Variants in NALF1 observed in about 807,000 individuals in gnomAD.
NALF1 encodes the protein NALCN channel auxiliary factor 1, also known as family with sequence similarity 155 member A.
NALF1 carries 3 observed loss-of-function variants against 48.4 expected under a neutral mutation model. The observed-to-expected ratio is 0.06, with a 90% CI of 0.03 to 0.16. The LOEUF (loss-of-function observed/expected upper bound fraction) is 0.16. Ranked by LOEUF, NALF1 falls within the 10% of genes least tolerant of loss-of-function variation. The pLI, the probability that NALF1 is intolerant of heterozygous loss-of-function variation, is 1.00. For synonymous variants in NALF1, 262 were observed against 245.7 expected, an observed-to-expected ratio of 1.07 and a Z score of -0.62; for missense variants, 526 against 571.5, an observed-to-expected ratio of 0.92 and a Z score of 0.81.
intron 1 of NALF1, among the ~76,000 whole-genome samples, chr13:107,555,439 AT>A (rs34486058): frequency 0.021 from 1,481 of 69,914 alleles, 13 homozygotes; most frequent in African/African-American, 0.044. Context: ...AGCCTGGCTA[AT>A]TTTTTTTTTT....
chr13:107,355,627 G>A lies in NALF1; in HGVS notation c.916-144872C>T, dbSNP rs150490893. ...TGAGATCTGGTTGTTTAAAAGGCGT[G>A]TAGCACTTCCCCCTTCTCTTTCTCT... On this transcript the variant is annotated intron_variant, in intron 1 of 2. Coordinates refer to ENST00000375915, the MANE Select transcript of NALF1 (RefSeq NM_001080396.3). Among the ~76,000 whole-genome samples the A allele has an allele frequency of 5.5e-4, 84 of 152,144 alleles. 1 individual carries two copies. The highest frequency in any genetic ancestry group is 2.0e-3 in the African/African-American group (81 of 41,518).
At position 107,759,852 on chromosome 13, in the gene NALF1, C is replaced by A. The variant is rs9587435; in HGVS notation, c.915+105830G>T. Among the ~76,000 whole-genome samples, 5,685 of 152,008 alleles carry A rather than the reference C, an allele frequency of 0.037. 527 individuals carry two copies. In the East Asian group the frequency reaches 0.42, roughly 11 times the overall value. On this transcript the variant is annotated intron_variant, in intron 1 of 2. Transcript: ENST00000375915. ...TTATTCTTACCAAATGTTGTCCCCCCCATCCTCCAGCTGTGTCATGCTGGG... is the reference window on the plus strand; with the variant it reads ...TTATTCTTACCAAATGTTGTCCCCCACATCCTCCAGCTGTGTCATGCTGGG...
chr13:107,588,378 A>C (rs941300789), intron 1 of NALF1, among the ~76,000 whole-genome samples: 1 of 152,126 alleles, frequency 6.6e-6, no homozygotes, highest in African/African-American at 2.4e-5. Flanking sequence ...TGAGACTGTG[A>C]CAACTTGGAT....
chr13:107,724,117 A>G (rs1191026813), intron 1 of NALF1, among the ~76,000 whole-genome samples: 1 of 152,180 alleles, frequency 6.6e-6, no homozygotes, highest in African/African-American at 2.4e-5. Flanking sequence ...GAAAATAGGA[A>G]GCTTGTTCCA....
intron 1 of NALF1, among the ~76,000 whole-genome samples, chr13:107,763,692 T>C (rs1448123298): frequency 1.3e-5 from 2 of 152,146 alleles, no homozygotes; most frequent in African/African-American, 2.4e-5. Context: ...TATGTACCCA[T>C]GGTTACAGGG....
At chr13:107,257,338 T>C (rs1244202024) in intron 1 of NALF1, among the ~76,000 whole-genome samples, 3 of 152,168 alleles carry the variant, frequency 2.0e-5, no homozygotes, top group Non-Finnish European at 4.4e-5. Context: ...ACTACTGTGA[T>C]CTCTCCTCCC....
intron 1 of NALF1, among the ~76,000 whole-genome samples, chr13:107,741,160 A>C (rs1386339296): frequency 6.6e-6 from 1 of 152,210 alleles, no homozygotes; most frequent in Non-Finnish European, 1.5e-5. Flanking sequence ...CATCCACAGC[A>C]CATTTGACAT....
At chr13:107,456,128 G>C (rs1311260252) in intron 1 of NALF1, among the ~76,000 whole-genome samples, 1 of 152,122 alleles carries the variant, frequency 6.6e-6, no homozygotes, top group Non-Finnish European at 1.5e-5. Context: ...AGGGATAGAG[G>C]AGTTTTTTTC....
intron 1 of NALF1, among the ~76,000 whole-genome samples, chr13:107,749,164 G>C (rs1012418918): frequency 1.4e-3 from 194 of 139,920 alleles, no homozygotes; most frequent in African/African-American, 4.7e-3. Context: ...GTGTGTGTGT[G>C]TCTACGTGTC....
intron 1 of NALF1, among the ~76,000 whole-genome samples, chr13:107,497,607 T>C (rs1875382254): frequency 6.6e-6 from 1 of 152,198 alleles, no homozygotes; most frequent in African/African-American, 2.4e-5. Context: ...TGCTATTCTA[T>C]CAATAAAGGC....
chr13:107,228,396 A>G (rs983940837), intron 1 of NALF1, among the ~76,000 whole-genome samples: 6 of 152,176 alleles, frequency 3.9e-5, no homozygotes, highest in African/African-American at 1.4e-4. Flanking sequence ...TTGGAAAAAC[A>G]AGCAAGAAAA....
chr13:107,815,420 C>T (rs1287951758), intron 1 of NALF1, among the ~76,000 whole-genome samples: 3 of 152,090 alleles, frequency 2.0e-5, no homozygotes, highest in African/African-American at 7.2e-5. Flanking sequence ...AATTCAACAT[C>T]ACCAGCAATC....
chr13:107,791,812 T>C (rs895841049), intron 1 of NALF1, among the ~76,000 whole-genome samples: 8 of 151,152 alleles, frequency 5.3e-5, no homozygotes, highest in African/African-American at 1.9e-4. Flanking sequence ...ATACAAAAAT[T>C]AGCCAAGAGT....
In NALF1 at chr13:107,533,767, T is replaced by C. The variant is rs1190353392; in HGVS notation, c.916-323012A>G. Among the ~76,000 whole-genome samples, 3 of 152,046 alleles carry C rather than the reference T, an allele frequency of 2.0e-5. No homozygotes were observed. The East Asian group carries it at 5.8e-4, about 29-fold the overall frequency. ...CCCCAAATCTGTCTTTTGTTGAGGG[T>C]CTGTGATGCCTAACATGACACCATC... is the stretch of plus-strand genomic sequence containing the variant. On this transcript the variant is annotated intron_variant, in intron 1 of 2. Transcript: ENST00000375915.
chr13:107,204,059 GCGCCCACAAGC>G (rs1293089626), intron 2 of NALF1, among the ~76,000 whole-genome samples: 5 of 144,944 alleles, frequency 3.4e-5, no homozygotes, highest in Admixed American at 6.8e-5. Flanking sequence ...GCAGAGAGGG[GCGCCCACAAGC>G]TCTCCCTGCT....
At chr13:107,687,085 T>C (rs999403398) in intron 1 of NALF1, among the ~76,000 whole-genome samples, 4 of 152,116 alleles carry the variant, frequency 2.6e-5, no homozygotes, top group African/African-American at 9.7e-5. Context: ...ATAAAGAAAA[T>C]ATGGTGCATA....
intron 1 of NALF1, among the ~76,000 whole-genome samples, chr13:107,535,914 A>G (rs564040627): frequency 2.0e-5 from 3 of 152,292 alleles, no homozygotes; most frequent in Non-Finnish European, 4.4e-5. Context: ...GCCCTCAGTA[A>G]TAATACTACA....
At chr13:107,412,328 A>G (rs1019319787) in intron 1 of NALF1, among the ~76,000 whole-genome samples, 4 of 152,330 alleles carry the variant, frequency 2.6e-5, no homozygotes, top group Admixed American at 2.6e-4. Context: ...GTGAATAAAA[A>G]ATTTAATAAT....
chr13:107,592,438 T>C (rs1385036522), intron 1 of NALF1, among the ~76,000 whole-genome samples: 1 of 151,756 alleles, frequency 6.6e-6, no homozygotes, highest in Non-Finnish European at 1.5e-5. Flanking sequence ...TATAAGAGAG[T>C]TTTATTAAAA....
Sources: gnomAD v4.1 joint callset for allele counts (sites outside exome capture counted in the v4.1 genomes callset) on GRCh38, gnomAD v4.1.1 for gene constraint, MANE v1.5 for transcripts, NCBI Gene and HGNC (gene_info 2026-07-23, HGNC 2026-07-21) for gene names.